GTF2H1: variants seen among roughly 807,000 people sequenced by gnomAD.
The protein encoded by GTF2H1 is BTF2 p62.
Under a neutral mutation model 71.2 loss-of-function variants are expected in GTF2H1, and 16 were observed. The ratio of observed to expected loss-of-function variants is 0.22; its 90% CI spans 0.15 to 0.34. The LOEUF (loss-of-function observed/expected upper bound fraction) is 0.34. Ranked by LOEUF, GTF2H1 falls within the 10% of genes least tolerant of loss-of-function variation. The pLI is 1.00. For synonymous variants in GTF2H1, 215 were observed against 219.0 expected (o/e 0.98, Z 0.16); for missense variants, 498 against 648.2 (o/e 0.77, Z 2.52).
At chr11:18,349,130 T>A (rs991271909) in intron 9 of GTF2H1, among the ~76,000 whole-genome samples, 10 of 152,176 alleles carry the variant, frequency 6.6e-5, no homozygotes, top group Non-Finnish European at 1.2e-4. Flanking sequence ...CCTGGCCTCA[T>A]GTGATCCGCC....
Position 18,366,000 on chromosome 11 carries a change from C to T in GTF2H1, c.*131C>T. The T allele has an allele frequency of 1.5e-6, 1 of 649,152 alleles. No individual in the cohort carries two copies. Among genetic ancestry groups the T allele is most frequent in the Middle Eastern group, 4.1e-4 (1 of 2,456 alleles). The allele number at this position is 649,152 out of a possible 1,614,324, so 40.2% of individuals were successfully genotyped here. A position where few individuals can be genotyped will look rare whatever the true frequency, so the allele number is the denominator to read the frequency against. On this transcript the variant is annotated 3_prime_UTR_variant, in exon 15 of 15. Coordinates refer to ENST00000265963, the MANE Select transcript of GTF2H1 (RefSeq NM_005316.4). ...AAGAAACATCTGCTCCACGCCAACTCCCAGAGCTGATGCTATTGTACTTGC... is the reference window on the plus strand; with the variant it reads ...AAGAAACATCTGCTCCACGCCAACTTCCAGAGCTGATGCTATTGTACTTGC...
At chr11:18,354,634 C>G (rs148544993) in intron 11 of GTF2H1, among the ~76,000 whole-genome samples, 37 of 152,246 alleles carry the variant, frequency 2.4e-4, no homozygotes, top group African/African-American at 8.2e-4. Flanking sequence ...ACTGATGATT[C>G]TTGCCTGGAA....
chr11:18,350,691 T>C (rs1207168246), intron 9 of GTF2H1, among the ~76,000 whole-genome samples: 3 of 152,240 alleles, frequency 2.0e-5, no homozygotes, highest in Non-Finnish European at 4.4e-5. Flanking sequence ...TTTTGAGGTA[T>C]AGTTAATAAC....
intron 11 of GTF2H1, 109 bp downstream of exon 11, chr11:18,352,555 CA>C (rs1195489714): frequency 3.7e-6 from 2 of 542,368 alleles, no homozygotes; most frequent in African/African-American, 1.9e-5. Context: ...GGCTTAAAGA[CA>C]TAGTTCTGCT....
At chr11:18,341,802 G>A in intron 7 of GTF2H1, 195 bp downstream of exon 7, 1 of 462,444 alleles carries the variant, frequency 2.2e-6, no homozygotes, top group East Asian at 3.8e-5. Context: ...TGAAATTCCT[G>A]TGTGAGTTGC....
intron 2 of GTF2H1, 119 bp downstream of exon 2, chr11:18,333,347 A>G: frequency 2.8e-6 from 2 of 712,002 alleles, no homozygotes; most frequent in South Asian, 2.1e-5. Flanking sequence ...AAATAATTAC[A>G]AAATGGGGTC....
At chr11:18,351,299 T>TG (rs1865416880) in intron 9 of GTF2H1, among the ~76,000 whole-genome samples, 1 of 151,580 alleles carries the variant, frequency 6.6e-6, no homozygotes. Flanking sequence ...TTTTTTTTTT[T>TG]TTTGATGAAG....
intron 3 of GTF2H1, among the ~76,000 whole-genome samples, chr11:18,336,547 G>C (rs1445582645): frequency 6.6e-6 from 1 of 152,152 alleles, no homozygotes; most frequent in East Asian, 1.9e-4. Flanking sequence ...TGGGAAACGA[G>C]AATGTGCAAA....
rs759494424 is a variant in GTF2H1 at position 18,365,785 on chromosome 11, G to A, written c.1563G>A (p.Leu521=). Residue 521 remains leucine, a splice_region_variant and synonymous_variant, in exon 15 of 15, where the codon TTG becomes TTA. Coordinates refer to ENST00000265963, the MANE Select transcript of GTF2H1 (RefSeq NM_005316.4). ...AAGTGTCTTGCTGTGTTTTTCAGTTGGTAAGTCACATAGAAGAGATGCTCC... is the reference window on the plus strand; with the variant it reads ...AAGTGTCTTGCTGTGTTTTTCAGTTAGTAAGTCACATAGAAGAGATGCTCC... ...KIRRQYLSTN[L]VSHIEEMLQT... The A allele has an allele frequency of 1.2e-6, 2 of 1,609,714 alleles. No homozygotes were observed. The highest frequency in any genetic ancestry group is 1.7e-5 in the Admixed American group (1 of 59,956).
intron 7 of GTF2H1, among the ~76,000 whole-genome samples, chr11:18,342,814 G>A (rs930964063): frequency 3.3e-5 from 5 of 152,104 alleles, no homozygotes; most frequent in African/African-American, 9.7e-5. Context: ...ATCAATAGCT[G>A]TATAAACCAT....
rs185107046 is a variant in GTF2H1, at chr11:18,357,518, T to C, written c.1261-434T>C. Among the ~76,000 whole-genome samples, 632 of 152,240 alleles carry C rather than the reference T, an allele frequency of 4.2e-3. 1 individual carries two copies. Among genetic ancestry groups the C allele is most frequent in the Middle Eastern group, 0.01 (3 of 294 alleles). ...GATTGCTTGAGCCCAGGAGTTCAAG[T>C]TCAGCCTGGGCAACATAACAAGATT... On this transcript the variant is annotated intron_variant, in intron 11 of 14. Coordinates refer to ENST00000265963, the MANE Select transcript of GTF2H1 (RefSeq NM_005316.4).
intron 11 of GTF2H1, among the ~76,000 whole-genome samples, chr11:18,355,263 C>A (rs1865516114): frequency 6.6e-6 from 1 of 151,700 alleles, no homozygotes; most frequent in Non-Finnish European, 1.5e-5. Flanking sequence ...CTGCCTCAGC[C>A]TCTGGAGTAG....
intron 7 of GTF2H1, among the ~76,000 whole-genome samples, chr11:18,344,425 C>T (rs970535166): frequency 7.2e-5 from 11 of 152,104 alleles, no homozygotes; most frequent in African/African-American, 2.6e-4. Flanking sequence ...TTGAGACCAG[C>T]CTGGCCAACA....
chr11:18,352,796 T>G (rs1865456386), intron 11 of GTF2H1, among the ~76,000 whole-genome samples: 1 of 152,266 alleles, frequency 6.6e-6, no homozygotes, highest in Non-Finnish European at 1.5e-5. Flanking sequence ...TCATCATTGT[T>G]CTTTGTTTCT....
At chr11:18,356,682 T>C (rs1865555940) in intron 11 of GTF2H1, among the ~76,000 whole-genome samples, 1 of 151,964 alleles carries the variant, frequency 6.6e-6, no homozygotes, top group South Asian at 2.1e-4. Context: ...ACTCCTGGGC[T>C]CAGGCGATGC....
At chr11:18,338,416 A>G (rs941077026) in intron 4 of GTF2H1, 142 bp downstream of exon 4, 6 of 608,280 alleles carry the variant, frequency 9.9e-6, no homozygotes, top group Non-Finnish European at 1.5e-5. Flanking sequence ...ATTCTTCACT[A>G]TTATTGAACT....
In GTF2H1 at chr11:18,338,172, C is replaced by G. The variant is rs1565008294; in HGVS notation, c.411C>G (p.Ile137Met). 6.2e-7 allele frequency: 1 copy of G among 1,606,912 alleles called. No individual in the cohort carries two copies. Among genetic ancestry groups the G allele is most frequent in the Non-Finnish European group, 8.5e-7 (1 of 1,173,404 alleles). ...AAGACCTTGTTGTGAGTCAAGTGAT[C>G]AGTGCTGAGGAATTCTGGGCCAATC... ...LYKDLVVSQV[I>M]SAEEFWANRL... is the part of the protein sequence containing the mutation. Residue 137 changes from isoleucine to methionine, a missense_variant, in exon 4 of 15, where the codon ATC becomes ATG. Physicochemically the swap from Ile to Met is conservative, Grantham distance 10. Transcript: ENST00000265963.
chr11:18,327,190 G>A (rs572418418), intron 1 of GTF2H1, among the ~76,000 whole-genome samples: 1 of 151,774 alleles, frequency 6.6e-6, no homozygotes, highest in Non-Finnish European at 1.5e-5. Context: ...ACACTTTCCT[G>A]GGTTACCTTT....
At chr11:18,334,740 A>G (rs1864984688) in intron 2 of GTF2H1, among the ~76,000 whole-genome samples, 1 of 152,254 alleles carries the variant, frequency 6.6e-6, no homozygotes, top group Admixed American at 6.5e-5. Flanking sequence ...AAAGTTACAG[A>G]AAATTTTAAA....
Sources: allele counts gnomAD v4.1 joint callset (sites outside exome capture counted in the v4.1 genomes callset), GRCh38; gene constraint gnomAD v4.1.1; transcripts MANE v1.5; gene names NCBI Gene and HGNC (gene_info 2026-07-23, HGNC 2026-07-21).